ARHGEF4: variants seen among roughly 807,000 people sequenced by gnomAD.
ARHGEF4 encodes APC-stimulated guanine nucleotide exchange factor 1.
In ARHGEF4, 119 loss-of-function variants were observed where a neutral mutation model predicts 162.0. That is an observed-to-expected ratio of 0.73 (90% CI 0.63 to 0.86). ARHGEF4 has a LOEUF of 0.86. ARHGEF4 is among the 40% of genes least tolerant of loss of function. The probability of loss-of-function intolerance (pLI) is 0.00; values close to 1 mark genes in which losing one functional copy is unlikely to be tolerated. For synonymous variants in ARHGEF4, 1,014 were observed against 979.9 expected, an observed-to-expected ratio of 1.03 and a Z score of -0.65; for missense variants, 2,488 against 2,456.0, an observed-to-expected ratio of 1.01 and a Z score of -0.28.
chr2:131,017,751 G>A (rs774300115), intron 4 of ARHGEF4, among the ~76,000 whole-genome samples: 2 of 152,164 alleles, frequency 1.3e-5, no homozygotes, highest in Non-Finnish European at 2.9e-5. Flanking sequence ...TGTGATGTCT[G>A]GGACTTGTTT....
chr2:130,927,525 G>A (rs1183854849), intron 2 of ARHGEF4, among the ~76,000 whole-genome samples: 1 of 152,156 alleles, frequency 6.6e-6, no homozygotes, highest in Non-Finnish European at 1.5e-5. Flanking sequence ...GTGTTGCATG[G>A]TTTTTACCTA....
At chr2:130,997,702 G>A (rs1021389139) in intron 4 of ARHGEF4, among the ~76,000 whole-genome samples, 2 of 152,160 alleles carry the variant, frequency 1.3e-5, no homozygotes, top group East Asian at 1.9e-4. Flanking sequence ...TTCTGCCTTC[G>A]TATATGGCCT....
chr2:130,961,983 G>A (rs1684650268), intron 4 of ARHGEF4, among the ~76,000 whole-genome samples: 2 of 152,178 alleles, frequency 1.3e-5, no homozygotes, highest in South Asian at 4.1e-4. Flanking sequence ...GCTCATGCCT[G>A]TAATCCCAGC....
At chr2:130,991,275 C>CA (rs1229552939) in intron 4 of ARHGEF4, among the ~76,000 whole-genome samples, 1 of 152,256 alleles carries the variant, frequency 6.6e-6, no homozygotes, top group African/African-American at 2.4e-5. Flanking sequence ...TGAGAGGTGA[C>CA]AGAGTGCTGG....
intron 4 of ARHGEF4, among the ~76,000 whole-genome samples, chr2:131,013,654 G>T (rs773996531): frequency 6.6e-6 from 1 of 152,206 alleles, no homozygotes; most frequent in Non-Finnish European, 1.5e-5. Flanking sequence ...AGACTGGAGT[G>T]CAGTGGTGCG....
chr2:130,922,208 A>G (rs973620992), intron 2 of ARHGEF4, among the ~76,000 whole-genome samples: 7 of 151,906 alleles, frequency 4.6e-5, no homozygotes, highest in African/African-American at 1.4e-4. Flanking sequence ...TGTCTCTACT[A>G]AAAACCACAA....
chr2:130,851,479 T>C (rs1157868334), intron 1 of ARHGEF4, among the ~76,000 whole-genome samples: 1 of 151,832 alleles, frequency 6.6e-6, no homozygotes, highest in African/African-American at 2.4e-5. Context: ...TTCATGCGGG[T>C]TGGGGAGTTT....
chr2:130,894,937 C>T (rs759025876), intron 1 of ARHGEF4, among the ~76,000 whole-genome samples: 28 of 152,112 alleles, frequency 1.8e-4, no homozygotes, highest in Non-Finnish European at 4.0e-4. Context: ...TCCTTATTGG[C>T]TTTACGTAGA....
At chr2:130,838,156 G>A (rs1680336748) in intron 1 of ARHGEF4, among the ~76,000 whole-genome samples, 1 of 152,220 alleles carries the variant, frequency 6.6e-6, no homozygotes, top group Non-Finnish European at 1.5e-5. Context: ...GCTTGGAAGA[G>A]CTCAGACCCC....
chr2:130,950,777 G>C (rs749474917), intron 4 of ARHGEF4, among the ~76,000 whole-genome samples: 4 of 151,428 alleles, frequency 2.6e-5, no homozygotes, highest in African/African-American at 4.9e-5. Context: ...AATCATGTAG[G>C]AACTGGTTTT....
rs143550033 is a variant in ARHGEF4 at position 130,931,146 on chromosome 2, C to T, written c.3747C>T (p.Pro1249=). The change falls in exon 3 of 14, where the codon CCC becomes CCT. Residue 1249 remains proline (P), a synonymous_variant. Coordinates refer to ENST00000409359, the MANE Select transcript of ARHGEF4 (RefSeq NM_001367493.1). The part of the protein sequence containing the change: ...SQPRGIPHRS[P]VSVDDLWLEK... The stretch of plus-strand genomic sequence containing the variant: ...CTAGGGGCATCCCTCACCGCTCGCC[C>T]GTCAGTGTGGATGACCTGTGGCTGG... 144 of 1,614,168 alleles carry T rather than the reference C, an allele frequency of 8.9e-5. 2 individuals carry two copies. The South Asian group carries it at 9.7e-4, about 11-fold the overall frequency.
Position 131,041,910 on chromosome 2 carries a change from T to C in ARHGEF4, c.4991T>C (p.Ile1664Thr), listed in dbSNP as rs761838931. The C allele has an allele frequency of 1.1e-5, 18 of 1,613,514 alleles. No individual in the cohort carries two copies. The highest frequency in any genetic ancestry group is 1.5e-5 in the Non-Finnish European group (18 of 1,180,026). ...RKRRLENIDK[I>T]AQWQSSIEDW... ...CGGAGACTTGAGAACATCGACAAGA[T>C]TGCTCAGTGGCAGAGCTCCATAGAG... The change falls in exon 10 of 14, where the codon ATT (isoleucine) becomes ACT (threonine). Residue 1664 changes from isoleucine to threonine, a missense_variant. Coordinates refer to ENST00000409359, the MANE Select transcript of ARHGEF4 (RefSeq NM_001367493.1).
intron 1 of ARHGEF4, among the ~76,000 whole-genome samples, chr2:130,853,031 G>T (rs1415949308): frequency 6.6e-6 from 1 of 152,164 alleles, no homozygotes; most frequent in Non-Finnish European, 1.5e-5. Flanking sequence ...TCCCATCGAG[G>T]GTCAGCAGGG....
At chr2:131,020,236 T>C (rs1374288277) in intron 4 of ARHGEF4, among the ~76,000 whole-genome samples, 2 of 151,956 alleles carry the variant, frequency 1.3e-5, no homozygotes, top group Admixed American at 6.6e-5. Context: ...ATGTGCACAA[T>C]GTGCAGGTTT....
chr2:130,886,159 C>A (rs1295644221), intron 1 of ARHGEF4, among the ~76,000 whole-genome samples: 1 of 152,008 alleles, frequency 6.6e-6, no homozygotes, highest in African/African-American at 2.4e-5. Context: ...ACTTTGCCTC[C>A]TTGGTGCTTA....
rs1369406145 is a variant in ARHGEF4, at chr2:131,038,894, G to C, written c.4167G>C (p.Trp1389Cys). 1 of 1,613,340 alleles carries C rather than the reference G, an allele frequency of 6.2e-7. No individual in the cohort carries two copies. The highest frequency in any genetic ancestry group is 8.5e-7 in the Non-Finnish European group (1 of 1,179,982). Residue 1389 changes from tryptophan (W) to cysteine (C), a missense_variant, in exon 6 of 14, where the codon TGG (tryptophan) becomes TGC (cysteine). Around this residue, in one of 6 missense-constraint regions of ARHGEF4, gnomAD observed 5 missense variants for 18.5 expected, o/e 0.27. Coordinates refer to ENST00000409359, the MANE Select transcript of ARHGEF4 (RefSeq NM_001367493.1). ...DGSVVCAEAL[W>C]DHVTMDDQEL... ...GTGTGGTCTGCGCTGAAGCACTCTG[G>C]GACCATGTCACCATGGACGACCAGG...
At chr2:130,964,230 C>A in intron 4 of ARHGEF4, 1 of 985,624 alleles carries the variant, frequency 1.0e-6, no homozygotes. Context: ...GCCTGGAGAG[C>A]CTGCGCTCGG....
At chr2:130,844,741 G>A (rs1481534854) in intron 1 of ARHGEF4, among the ~76,000 whole-genome samples, 3 of 152,004 alleles carry the variant, frequency 2.0e-5, no homozygotes, top group African/African-American at 7.3e-5. Context: ...CCAAGGGAAA[G>A]CATGTGGAGA....
intron 5 of ARHGEF4, among the ~76,000 whole-genome samples, chr2:131,031,786 C>T (rs1689870201): frequency 6.6e-6 from 1 of 152,230 alleles, no homozygotes; most frequent in Admixed American, 6.5e-5. Flanking sequence ...GCCTGTCTGC[C>T]CAGTTCCTCG....
Sources: allele counts gnomAD v4.1 joint callset (sites outside exome capture counted in the v4.1 genomes callset), GRCh38; gene constraint gnomAD v4.1.1; regional missense constraint gnomAD v4.1.1; transcripts MANE v1.5; gene names NCBI Gene and HGNC (gene_info 2026-07-23, HGNC 2026-07-21).